CACHD1: variants seen among roughly 807,000 people sequenced by gnomAD.
The protein encoded by CACHD1 is cache domain containing 1, also known as VWFA and cache domain-containing protein 1.
Under a neutral mutation model 138.7 loss-of-function variants are expected in CACHD1, and 71 were observed. The observed-to-expected ratio is 0.51, with a 90% CI of 0.42 to 0.62. The LOEUF is 0.62. Among genes scored for constraint, CACHD1 ranks in the 20% least tolerant of loss-of-function variants. The probability of loss-of-function intolerance (pLI) is 0.00; values close to 1 mark genes in which losing one functional copy is unlikely to be tolerated. For missense variants in CACHD1, 1,389 were observed against 1,625.3 expected (o/e 0.85, Z 2.50); for synonymous variants, 578 against 591.5 (o/e 0.98, Z 0.33).
At chr1:64,511,140 G>A (rs549864718) in intron 1 of CACHD1, among the ~76,000 whole-genome samples, 10 of 152,258 alleles carry the variant, frequency 6.6e-5, no homozygotes, top group African/African-American at 1.2e-4. Context: ...GATGGAGTAC[G>A]GTATGTAGTA....
chr1:64,633,493 T>G (rs17126802), intron 6 of CACHD1, among the ~76,000 whole-genome samples: 2 of 152,020 alleles, frequency 1.3e-5, no homozygotes, highest in Non-Finnish European at 1.5e-5. Context: ...TGGCTGAACT[T>G]TATTGCAAGA....
At chr1:64,492,732 G>C (rs1173940789) in intron 1 of CACHD1, among the ~76,000 whole-genome samples, 1 of 152,098 alleles carries the variant, frequency 6.6e-6, no homozygotes, top group Admixed American at 6.5e-5. Flanking sequence ...TTTGTCTTCT[G>C]GCACAAAGGT....
At chr1:64,638,895 A>G (rs1028009621) in intron 7 of CACHD1, among the ~76,000 whole-genome samples, 72 of 152,098 alleles carry the variant, frequency 4.7e-4, no homozygotes, top group African/African-American at 1.6e-3. Context: ...AAATAACTCA[A>G]TTTTTCTTGA....
intron 17 of CACHD1, among the ~76,000 whole-genome samples, chr1:64,672,322 C>A (rs1162383280): frequency 6.6e-6 from 1 of 152,164 alleles, no homozygotes; most frequent in African/African-American, 2.4e-5. Flanking sequence ...AAAATATAGT[C>A]TTGATTAAAG....
At chr1:64,641,709 G>C in intron 7 of CACHD1, 111 bp from the exon 8 acceptor site, 1 of 718,324 alleles carries the variant, frequency 1.4e-6, no homozygotes, top group South Asian at 2.3e-5. Flanking sequence ...TAGGAACCGT[G>C]GGCTAGGCAA....
At position 64,654,802 on chromosome 1, in the gene CACHD1, T is replaced by C. The variant is rs373893302; in HGVS notation, c.1781T>C (p.Met594Thr). Residue 594 changes from methionine (M) to threonine (T), a missense_variant and splice_region_variant, in exon 12 of 27, where the codon ATG (methionine) becomes ACG (threonine). Physicochemically the swap from Met to Thr is moderately conservative, Grantham distance 81 (BLOSUM62 -1). Around this residue, in one of 5 missense-constraint regions of CACHD1, gnomAD observed 1,000 missense variants for 1,114.7 expected, o/e 0.90. Coordinates refer to ENST00000651257, the MANE Select transcript of CACHD1 (RefSeq NM_020925.4). The stretch of plus-strand genomic sequence containing the variant: ...TACAATGTTAGCTATGCCTGGAAGA[T>C]GGTGAGTGAGAGGAAGTTGTGTTTG... ...EAYNVSYAWK[M>T]VQDTSFILCI... The C allele has an allele frequency of 6.2e-7, 1 of 1,603,096 alleles. No individual in the cohort carries two copies. Among genetic ancestry groups the C allele is most frequent in the African/African-American group, 1.3e-5 (1 of 74,648 alleles).
chr1:64,505,702 C>T (rs2100333896), intron 1 of CACHD1, among the ~76,000 whole-genome samples: 1 of 140,258 alleles, frequency 7.1e-6, no homozygotes, highest in African/African-American at 2.7e-5. Flanking sequence ...CCGACCATCC[C>T]CCTGGACCCC....
chr1:64,617,084 G>C (rs1647734567), intron 4 of CACHD1, among the ~76,000 whole-genome samples: 2 of 151,010 alleles, frequency 1.3e-5, no homozygotes, highest in Admixed American at 1.3e-4. Flanking sequence ...TAATGTCTCA[G>C]GTTAGTTGCC....
At chr1:64,628,593 G>A (rs989422410) in intron 4 of CACHD1, among the ~76,000 whole-genome samples, 1 of 152,124 alleles carries the variant, frequency 6.6e-6, no homozygotes, top group African/African-American at 2.4e-5. Flanking sequence ...GCAGGTCAGT[G>A]GTAGGGATGC....
At chr1:64,526,751 G>A (rs1449450285) in intron 1 of CACHD1, among the ~76,000 whole-genome samples, 2 of 152,156 alleles carry the variant, frequency 1.3e-5, no homozygotes, top group Non-Finnish European at 2.9e-5. Flanking sequence ...GCGCCCTGCC[G>A]TATGAGAGTC....
intron 3 of CACHD1, among the ~76,000 whole-genome samples, chr1:64,591,081 T>C (rs1647096702): frequency 6.6e-6 from 1 of 152,244 alleles, no homozygotes; most frequent in Non-Finnish European, 1.5e-5. Flanking sequence ...CTTTTCCTAC[T>C]GCTCAAATTA....
At chr1:64,496,862 T>C (rs1280064141) in intron 1 of CACHD1, among the ~76,000 whole-genome samples, 2 of 119,140 alleles carry the variant, frequency 1.7e-5, no homozygotes, top group Non-Finnish European at 3.5e-5. Flanking sequence ...AGAAGTTGTC[T>C]CAAAAAAAAA....
intron 13 of CACHD1, among the ~76,000 whole-genome samples, chr1:64,659,487 G>A (rs947540863): frequency 1.3e-5 from 2 of 152,168 alleles, no homozygotes; most frequent in African/African-American, 4.8e-5. Context: ...AAGGGCTTAG[G>A]AATTCGAAGA....
chr1:64,482,070 A>G (rs556098980), intron 1 of CACHD1, among the ~76,000 whole-genome samples: 2 of 152,300 alleles, frequency 1.3e-5, no homozygotes, highest in Non-Finnish European at 1.5e-5. Flanking sequence ...ATATTTATAA[A>G]TGGTTTCAGG....
intron 2 of CACHD1, among the ~76,000 whole-genome samples, chr1:64,580,116 A>G (rs945618097): frequency 6.6e-6 from 1 of 152,174 alleles, no homozygotes; most frequent in Non-Finnish European, 1.5e-5. Context: ...ACGTTTGATA[A>G]TGAGTGAATA....
At chr1:64,476,104 AAGCAGCAGC>A (rs57837863) in intron 1 of CACHD1, among the ~76,000 whole-genome samples, 90,647 of 151,000 alleles carry the variant, frequency 0.6, 29,888 homozygotes, top group East Asian at 0.73. Flanking sequence ...GTCCTGAAGG[AAGCAGCAGC>A]AGCAGCAGCA....
At chr1:64,554,002 T>C (rs10158610) in intron 2 of CACHD1, among the ~76,000 whole-genome samples, 3,030 of 152,252 alleles carry the variant, frequency 0.02, 86 homozygotes, top group South Asian at 0.091. Flanking sequence ...ATTTTATAGC[T>C]GACATTGTTT....
At chr1:64,671,527 C>A in intron 16 of CACHD1, 37 bp from the exon 17 acceptor site, 1 of 1,608,714 alleles carries the variant, frequency 6.2e-7, no homozygotes, top group Non-Finnish European at 8.5e-7. Flanking sequence ...TTAAATAAGC[C>A]ATGCCTATTG....
chr1:64,534,165 T>C (rs993124327), intron 1 of CACHD1, among the ~76,000 whole-genome samples: 13 of 151,534 alleles, frequency 8.6e-5, no homozygotes, highest in African/African-American at 3.2e-4. Context: ...TGCCTCAGCC[T>C]CTGGAGTAGC....
Sources: allele counts gnomAD v4.1 joint callset (sites outside exome capture counted in the v4.1 genomes callset), GRCh38; gene constraint gnomAD v4.1.1; regional missense constraint gnomAD v4.1.1; transcripts MANE v1.5; gene names NCBI Gene and HGNC (gene_info 2026-07-23, HGNC 2026-07-21).